The following KIF5A variants were observed in gnomAD, a reference collection of about 807,000 sequenced individuals.
KIF5A encodes kinesin heavy chain isoform 5A.
KIF5A carries 35 observed loss-of-function variants against 141.3 expected under a neutral mutation model. The observed-to-expected ratio is 0.25, with a 90% confidence interval of 0.19 to 0.33. The LOEUF (loss-of-function observed/expected upper bound fraction) is 0.33. Among genes scored for constraint, KIF5A ranks in the 10% least tolerant of loss-of-function variants. The pLI, the probability that KIF5A is intolerant of heterozygous loss-of-function variation, is 1.00. For missense variants in KIF5A, 861 were observed against 1,314.3 expected (o/e 0.66, Z 5.33); for synonymous variants, 448 against 500.2 (o/e 0.90, Z 1.39).
rs1247218800 is a variant in KIF5A at position 57,585,446 on chromosome 12, G to C, written c.*1265G>C. On this transcript the variant is annotated 3_prime_UTR_variant, in exon 29 of 29. Coordinates refer to ENST00000455537, the MANE Select transcript of KIF5A (RefSeq NM_004984.4). ...CCCAGCCATTCTCAGCCCATATGCA[G>C]CACCCTCCATACTGAAGAGGACTGT... 1 of 154,466 alleles carries C rather than the reference G, an allele frequency of 6.5e-6. No individual in the cohort carries two copies. The highest frequency in any genetic ancestry group is 1.5e-5 in the Non-Finnish European group (1 of 68,284). The allele number at this position is 154,466 out of a possible 1,614,324, so 9.6% of individuals were successfully genotyped here. A position where few individuals can be genotyped will look rare whatever the true frequency, so the allele number is the denominator to read the frequency against.
chr12:57,577,440 C>A (rs1823047445), intron 20 of KIF5A, among the ~76,000 whole-genome samples: 1 of 151,974 alleles, frequency 6.6e-6, no homozygotes, highest in South Asian at 2.1e-4. Context: ...ACTAAAAATA[C>A]AAAAATTAGC....
At chr12:57,561,318 G>T (rs1198677306) in intron 1 of KIF5A, among the ~76,000 whole-genome samples, 1 of 152,180 alleles carries the variant, frequency 6.6e-6, no homozygotes, top group African/African-American at 2.4e-5. Flanking sequence ...GGGATTACAT[G>T]CATGAGTCAC....
Position 57,572,764 on chromosome 12 carries a change from C to A in KIF5A, c.1716+38C>A, listed in dbSNP as rs1344849461. On this transcript the variant is annotated intron_variant, in intron 15 of 28. Transcript: ENST00000455537. The surrounding 1 kb of genome is among the most constrained non-coding windows in gnomAD (Gnocchi z 4.2). ...AGACAGCAGCCTTGTTCAGGCTGGG[C>A]ACTAGTGGAAGACGCAAGATGAGCC... The A allele has an allele frequency of 1.9e-6, 3 of 1,612,980 alleles. No individual in the cohort carries two copies. Among genetic ancestry groups the A allele is most frequent in the South Asian group, 1.1e-5 (1 of 91,040 alleles).
intron 1 of KIF5A, among the ~76,000 whole-genome samples, chr12:57,551,880 C>CGG (rs1881585410): frequency 2.0e-5 from 3 of 148,046 alleles, no homozygotes. Flanking sequence ...TGGTCTCTCT[C>CGG]TCTCTCTCTC....
chr12:57,567,307 C>A, intron 7 of KIF5A, 94 bp downstream of exon 7: 1 of 1,245,586 alleles, frequency 8.0e-7, no homozygotes, highest in Non-Finnish European at 1.2e-6. Context: ...AGCAAGGAAA[C>A]TGTACCCCCC....
intron 13 of KIF5A, 132 bp from the exon 14 acceptor site, chr12:57,571,929 T>C (rs1882267249): frequency 4.0e-6 from 3 of 757,830 alleles, no homozygotes; most frequent in Non-Finnish European, 6.8e-6. Flanking sequence ...GCCCTATTTC[T>C]ATGAAACCTA....
In KIF5A at chr12:57,563,669, C is replaced by T; in HGVS notation, c.267C>T (p.Ser89=). 6.2e-7 allele frequency: 1 copy of T among 1,614,126 alleles called. No homozygotes were observed. The part of the protein sequence containing the change: ...NGTIFAYGQT[S]SGKTHTMEGK... Reference sequence around the variant, plus strand: ...CCATTTTTGCTTATGGACAGACATCCTCAGGGAAAACACATACCATGGAGG... The same window carrying T: ...CCATTTTTGCTTATGGACAGACATCTTCAGGGAAAACACATACCATGGAGG... The change falls in exon 3 of 29, where the codon TCC becomes TCT. Residue 89 remains serine (S), a synonymous_variant. Transcript: ENST00000455537.
chr12:57,564,451 C>T lies in KIF5A; in HGVS notation c.397-9C>T, dbSNP rs777193528. On this transcript the variant is annotated splice_polypyrimidine_tract_variant and intron_variant, in intron 4 of 28. Transcript: ENST00000455537. ...CTTTACTTCACACTCCTTCTTTCTT[C>T]TTAACCAGGTTTCTTACTTTGAAAT... 2 of 1,607,014 alleles carry T rather than the reference C, an allele frequency of 1.2e-6. No homozygotes were observed. Among genetic ancestry groups the T allele is most frequent in the South Asian group, 1.1e-5 (1 of 90,878 alleles).
intron 23 of KIF5A, among the ~76,000 whole-genome samples, chr12:57,579,692 A>T (rs886455143): frequency 1.3e-5 from 2 of 152,204 alleles, no homozygotes; most frequent in East Asian, 3.9e-4. Context: ...TTCGATTTTC[A>T]TTCCCGCATT....
intron 9 of KIF5A, 22 bp from the exon 10 acceptor site, chr12:57,569,234 C>G (rs745684811): frequency 3.1e-6 from 5 of 1,613,510 alleles, no homozygotes; most frequent in Non-Finnish European, 4.2e-6. Flanking sequence ...ATTTCTGATT[C>G]CTGGTCTCCT....
chr12:57,556,169 C>G (rs530495239), intron 1 of KIF5A, among the ~76,000 whole-genome samples: 1 of 149,462 alleles, frequency 6.7e-6, no homozygotes, highest in East Asian at 2.0e-4. Flanking sequence ...GACGGAGTCT[C>G]GCTCTGTCAC....
At chr12:57,567,348 C>A in intron 7 of KIF5A, 135 bp downstream of exon 7, 1 of 1,159,088 alleles carries the variant, frequency 8.6e-7, no homozygotes, top group Non-Finnish European at 1.2e-6. Context: ...CTGTGGGACC[C>A]TGCTGCCTGG....
intron 1 of KIF5A, among the ~76,000 whole-genome samples, chr12:57,561,132 T>C (rs1881898643): frequency 6.6e-6 from 1 of 152,164 alleles, no homozygotes; most frequent in African/African-American, 2.4e-5. Flanking sequence ...CTCTGCCTTT[T>C]GAGCTCAGGT....
intron 28 of KIF5A, 82 bp downstream of exon 28, chr12:57,583,297 T>TTA: frequency 2.6e-6 from 2 of 770,064 alleles, no homozygotes; most frequent in Non-Finnish European, 4.3e-6. Flanking sequence ...CTGCTGCTGC[T>TTA]TCTTTTTTTT....
rs200535153 is a variant in KIF5A, at chr12:57,571,314, C to T, written c.1294-7C>T. The stretch of plus-strand genomic sequence containing the variant: ...CTTCACCTGTCTTTCCCTGTTGCCT[C>T]CAACAGGATGATGAAATCAACCAAC... On this transcript the variant is annotated splice_polypyrimidine_tract_variant and splice_region_variant and intron_variant, in intron 12 of 28. Coordinates refer to ENST00000455537, the MANE Select transcript of KIF5A (RefSeq NM_004984.4). 9.6e-6 allele frequency: 15 copies of T among 1,557,226 alleles called. No homozygotes were observed. The highest frequency in any genetic ancestry group is 1.4e-5 in the African/African-American group (1 of 73,806).
In KIF5A at chr12:57,581,917, C is replaced by T. The variant is rs113247976; in HGVS notation, c.2957C>T (p.Pro986Leu). Residue 986 changes from proline (P) to leucine (L), a missense_variant, in exon 26 of 29, where the codon CCC (proline) becomes CTC (leucine). Pro to Leu is a moderately conservative substitution (Grantham distance 98). Coordinates refer to ENST00000455537, the MANE Select transcript of KIF5A (RefSeq NM_004984.4). Reference sequence around the variant, plus strand: ...AGTGGAGCCACATCTTCTGGCGGCCCCTTGGCTTCCTACCAGAAGGCCAAC... The same window carrying T: ...AGTGGAGCCACATCTTCTGGCGGCCTCTTGGCTTCCTACCAGAAGGCCAAC... Reference protein sequence around the residue: ...TSSGATSSGGPLASYQKANMD... With the variant: ...TSSGATSSGGLLASYQKANMD... 19,694 of 1,614,014 alleles carry T rather than the reference C, an allele frequency of 0.012. 146 individuals are homozygous for T. Among genetic ancestry groups the T allele is most frequent in the Non-Finnish European group, 0.014 (16,142 of 1,179,956 alleles).
intron 15 of KIF5A, 62 bp from the exon 16 acceptor site, chr12:57,575,022 G>A: frequency 6.6e-7 from 1 of 1,509,210 alleles, no homozygotes; most frequent in Non-Finnish European, 9.2e-7. Context: ...TAGAAGGTGG[G>A]AGGGAACAGA....
At chr12:57,555,200 C>T (rs1477757284) in intron 1 of KIF5A, among the ~76,000 whole-genome samples, 1 of 152,108 alleles carries the variant, frequency 6.6e-6, no homozygotes, top group Non-Finnish European at 1.5e-5. Flanking sequence ...CAACATACTA[C>T]AGTCTGATTC....
At chr12:57,557,606 A>G (rs1881785246) in intron 1 of KIF5A, among the ~76,000 whole-genome samples, 3 of 152,180 alleles carry the variant, frequency 2.0e-5, no homozygotes, top group Admixed American at 1.3e-4. Context: ...ATTATATATC[A>G]TAAACTATAT....
Sources: allele counts gnomAD v4.1 joint callset (sites outside exome capture counted in the v4.1 genomes callset), GRCh38; gene constraint gnomAD v4.1.1; non-coding constraint Gnocchi (gnomAD v3.1); transcripts MANE v1.5; gene names NCBI Gene and HGNC (gene_info 2026-07-23, HGNC 2026-07-21).